The following GALNT13 variants were observed in gnomAD, a reference collection of about 807,000 sequenced individuals.
GALNT13 encodes the protein polypeptide N-acetylgalactosaminyltransferase 13.
Under a neutral mutation model 64.2 loss-of-function variants are expected in GALNT13, and 28 were observed. The ratio of observed to expected loss-of-function variants is 0.44; its 90% CI spans 0.32 to 0.60. GALNT13 has a LOEUF of 0.60. GALNT13 is among the 20% of genes least tolerant of loss of function. The pLI is 0.05. For synonymous variants in GALNT13, 214 were observed against 224.6 expected (o/e 0.95, Z 0.42); for missense variants, 577 against 669.8 (o/e 0.86, Z 1.53).
chr2:153,519,070 A>G, the GALNT13 span, among the ~76,000 whole-genome samples: 1 of 152,172 alleles, frequency 6.6e-6, no homozygotes, highest in Non-Finnish European at 1.5e-5. Flanking sequence ...TAAGAAGTTA[A>G]TGGGTAAGTC....
chr2:153,686,120 G>A, the GALNT13 span, among the ~76,000 whole-genome samples: 7 of 151,698 alleles, frequency 4.6e-5, no homozygotes, highest in African/African-American at 1.7e-4. Flanking sequence ...TTCCTTGGCT[G>A]TTCGGGCTCT....
the GALNT13 span, among the ~76,000 whole-genome samples, chr2:153,819,319 A>T: frequency 9.8e-5 from 15 of 152,286 alleles, no homozygotes; most frequent in Admixed American, 9.8e-4. Context: ...TGTCAATCAC[A>T]TTGTGGTCCA....
intron 4 of GALNT13, among the ~76,000 whole-genome samples, chr2:154,241,335 T>C (rs1447484743): frequency 6.6e-6 from 1 of 152,072 alleles, no homozygotes; most frequent in African/African-American, 2.4e-5. Flanking sequence ...GCACTTCCCT[T>C]CCCTTCTTCC....
chr2:153,884,600 A>G (rs918847462), intron 1 of GALNT13, among the ~76,000 whole-genome samples: 2 of 151,386 alleles, frequency 1.3e-5, no homozygotes, highest in African/African-American at 2.4e-5. Flanking sequence ...ACTCTATAAC[A>G]TGTCATTTAA....
At chr2:154,167,751 C>G (rs551778665) in intron 4 of GALNT13, among the ~76,000 whole-genome samples, 1 of 152,166 alleles carries the variant, frequency 6.6e-6, no homozygotes, top group East Asian at 1.9e-4. Flanking sequence ...CATCAGAGCC[C>G]AAGCAGGTTG....
intron 3 of GALNT13, among the ~76,000 whole-genome samples, chr2:154,120,284 CT>C (rs1681866091): frequency 6.6e-6 from 1 of 152,154 alleles, no homozygotes; most frequent in Non-Finnish European, 1.5e-5. Flanking sequence ...GCAGTGTCCT[CT>C]GGTCAGGCTG....
chr2:153,975,904 G>A (rs1027168242), intron 3 of GALNT13, among the ~76,000 whole-genome samples: 3 of 152,110 alleles, frequency 2.0e-5, no homozygotes, highest in South Asian at 2.1e-4. Context: ...ATTTCACAAC[G>A]TATACCTATA....
At chr2:154,299,560 T>G (rs1457116984) in intron 8 of GALNT13, among the ~76,000 whole-genome samples, 1 of 150,910 alleles carries the variant, frequency 6.6e-6, no homozygotes. Context: ...GTTCACGCCA[T>G]TCTCCTGCCT....
At chr2:153,161,720 AAGG>A in the GALNT13 span, among the ~76,000 whole-genome samples, 1 of 152,086 alleles carries the variant, frequency 6.6e-6, no homozygotes, top group Non-Finnish European at 1.5e-5. Flanking sequence ...GAAATGAAGG[AAGG>A]AGGTTAGAGA....
the GALNT13 span, among the ~76,000 whole-genome samples, chr2:153,330,557 A>G: frequency 6.6e-6 from 1 of 150,660 alleles, no homozygotes; most frequent in Non-Finnish European, 1.5e-5. Context: ...TCTTATTTTG[A>G]CTCTAAGCTT....
At chr2:153,285,725 G>A in the GALNT13 span, among the ~76,000 whole-genome samples, 1 of 152,020 alleles carries the variant, frequency 6.6e-6, no homozygotes, top group Non-Finnish European at 1.5e-5. Flanking sequence ...TTAAAGATGA[G>A]AGTTATTGAA....
the GALNT13 span, among the ~76,000 whole-genome samples, chr2:153,214,939 ACTAAG>A: frequency 6.6e-6 from 1 of 152,072 alleles, no homozygotes; most frequent in Non-Finnish European, 1.5e-5. Context: ...CACCAACAAA[ACTAAG>A]CTAAGATGAT....
At chr2:154,374,925 G>C (rs1336269207) in intron 9 of GALNT13, among the ~76,000 whole-genome samples, 1 of 152,144 alleles carries the variant, frequency 6.6e-6, no homozygotes, top group Non-Finnish European at 1.5e-5. Context: ...CAGTTATTTA[G>C]AATACAGTCA....
chr2:153,290,867 T>G, the GALNT13 span, among the ~76,000 whole-genome samples: 1 of 152,168 alleles, frequency 6.6e-6, no homozygotes, highest in African/African-American at 2.4e-5. Flanking sequence ...TTTGTGAAAA[T>G]ATAACCTGAT....
chr2:153,885,805 T>C (rs1381332396), intron 1 of GALNT13, among the ~76,000 whole-genome samples: 1 of 152,124 alleles, frequency 6.6e-6, no homozygotes, highest in Non-Finnish European at 1.5e-5. Context: ...ACTAATTTTG[T>C]AGCTGATCAA....
the GALNT13 span, among the ~76,000 whole-genome samples, chr2:153,765,068 T>G: frequency 6.6e-6 from 1 of 152,226 alleles, no homozygotes; most frequent in South Asian, 2.1e-4. Flanking sequence ...GTAGTCCTCA[T>G]GAAAAATCTT....
At chr2:153,544,463 A>G in the GALNT13 span, among the ~76,000 whole-genome samples, 3 of 152,210 alleles carry the variant, frequency 2.0e-5, no homozygotes, top group African/African-American at 7.2e-5. Context: ...CTTGTCAGGA[A>G]TTTAATGTTT....
the GALNT13 span, among the ~76,000 whole-genome samples, chr2:153,481,420 A>T: frequency 1.3e-5 from 2 of 152,170 alleles, no homozygotes; most frequent in Admixed American, 6.5e-5. Flanking sequence ...GGAGAATCTC[A>T]CAAGTGTGAA....
the GALNT13 span, among the ~76,000 whole-genome samples, chr2:153,646,396 A>G: frequency 1.3e-5 from 2 of 151,610 alleles, no homozygotes; most frequent in Admixed American, 6.6e-5. Context: ...CAACTAAGAT[A>G]AAACAATTCT....
Sources: gnomAD v4.1 joint callset for allele counts (sites outside exome capture counted in the v4.1 genomes callset) on GRCh38, gnomAD v4.1.1 for gene constraint, MANE v1.5 for transcripts, NCBI Gene and HGNC (gene_info 2026-07-23, HGNC 2026-07-21) for gene names.